Variants in NPAS3 observed in about 807,000 individuals in gnomAD.
NPAS3 encodes the protein neuronal PAS domain-containing protein 3.
A neutral mutation model predicts 73.1 loss-of-function variants in NPAS3; 14 were observed. The ratio of observed to expected loss-of-function variants is 0.19; its 90% CI spans 0.13 to 0.30. The LOEUF (loss-of-function observed/expected upper bound fraction) is 0.30. NPAS3 is among the 10% of genes least tolerant of loss of function. The pLI is 1.00. For synonymous variants in NPAS3, 620 were observed against 541.5 expected (o/e 1.14, Z -2.01); for missense variants, 1,096 against 1,250.0 (o/e 0.88, Z 1.86).
chr14:33,198,266 C>G (rs1225712164), intron 2 of NPAS3, among the ~76,000 whole-genome samples: 2 of 151,090 alleles, frequency 1.3e-5, no homozygotes, highest in Admixed American at 1.3e-4. Context: ...CAGTTTGCCC[C>G]TGCTGGCTCA....
At chr14:33,454,370 A>T (rs1261927369) in intron 4 of NPAS3, among the ~76,000 whole-genome samples, 11 of 152,222 alleles carry the variant, frequency 7.2e-5, no homozygotes, top group Admixed American at 7.2e-4. Flanking sequence ...GCTTTTAAAC[A>T]TTATGGTTTC....
chr14:33,004,817 C>CTTTTTTTTTTT, intron 1 of NPAS3, among the ~76,000 whole-genome samples: 18 of 64,002 alleles, frequency 2.8e-4, no homozygotes, highest in South Asian at 1.2e-3. Context: ...AAAAGTTTTC[C>CTTTTTTTTTTT]TTTTTTTTTT....
chr14:33,613,826 G>A (rs2057829067), intron 5 of NPAS3, among the ~76,000 whole-genome samples: 1 of 152,150 alleles, frequency 6.6e-6, no homozygotes, highest in African/African-American at 2.4e-5. Flanking sequence ...AGGCTCACAA[G>A]TCTCTCTTAT....
At chr14:33,335,051 T>TGC (rs2044163200) in intron 3 of NPAS3, among the ~76,000 whole-genome samples, 1 of 149,666 alleles carries the variant, frequency 6.7e-6, no homozygotes, top group African/African-American at 2.5e-5. Context: ...TGCGTGTGTG[T>TGC]GTGTGTGTGT....
intron 2 of NPAS3, among the ~76,000 whole-genome samples, chr14:33,210,226 A>G (rs2046980234): frequency 1.3e-5 from 2 of 152,326 alleles, no homozygotes; most frequent in African/African-American, 2.4e-5. Context: ...GTCCAAAGCT[A>G]TCTTTTTTTC....
chr14:33,475,818 A>C (rs1356145114), intron 4 of NPAS3, among the ~76,000 whole-genome samples: 1 of 152,096 alleles, frequency 6.6e-6, no homozygotes, highest in Non-Finnish European at 1.5e-5. Flanking sequence ...GCAATTTCTC[A>C]TTGTGTTACT....
intron 2 of NPAS3, among the ~76,000 whole-genome samples, chr14:33,065,506 G>A (rs1485573945): frequency 6.6e-6 from 1 of 152,108 alleles, no homozygotes; most frequent in African/African-American, 2.4e-5. Flanking sequence ...TTGGTTTAGT[G>A]ACCAGCATGC....
chr14:33,120,191 C>T (rs1024488574), intron 2 of NPAS3, among the ~76,000 whole-genome samples: 6 of 152,066 alleles, frequency 3.9e-5, no homozygotes, highest in South Asian at 2.1e-4. Flanking sequence ...GACCTCCTGA[C>T]CTCATGATCC....
intron 6 of NPAS3, among the ~76,000 whole-genome samples, chr14:33,689,743 G>A (rs2060183817): frequency 1.3e-5 from 2 of 152,144 alleles, no homozygotes; most frequent in South Asian, 4.1e-4. Context: ...CTGTTTTGCA[G>A]ATTCACGTTT....
chr14:33,477,355 A>G (rs2051088869), intron 4 of NPAS3, among the ~76,000 whole-genome samples: 1 of 152,194 alleles, frequency 6.6e-6, no homozygotes, highest in African/African-American at 2.4e-5. Flanking sequence ...AGAGGATATG[A>G]TACAGGGATC....
intron 2 of NPAS3, among the ~76,000 whole-genome samples, chr14:33,125,869 GA>G (rs1467180487): frequency 3.3e-5 from 5 of 152,126 alleles, no homozygotes; most frequent in African/African-American, 1.2e-4. Context: ...TTTTCATAAA[GA>G]AAACATGTTA....
chr14:33,007,313 T>C (rs886172650), intron 1 of NPAS3, among the ~76,000 whole-genome samples: 2 of 152,140 alleles, frequency 1.3e-5, no homozygotes, highest in African/African-American at 2.4e-5. Flanking sequence ...CCTAATTCTG[T>C]ATTTTTGTTC....
chr14:33,161,980 C>A (rs908014175), intron 2 of NPAS3, among the ~76,000 whole-genome samples: 2 of 152,158 alleles, frequency 1.3e-5, no homozygotes, highest in African/African-American at 4.8e-5. Context: ...ATCAGAGGAG[C>A]CCTGAATAGG....
At chr14:32,957,528 C>G (rs961532159) in intron 1 of NPAS3, among the ~76,000 whole-genome samples, 2 of 151,918 alleles carry the variant, frequency 1.3e-5, no homozygotes, top group Admixed American at 1.3e-4. Context: ...CCCACCACCA[C>G]GCCCGGCTAA....
At chr14:33,679,508 G>A (rs1474967246) in intron 6 of NPAS3, among the ~76,000 whole-genome samples, 3 of 152,154 alleles carry the variant, frequency 2.0e-5, no homozygotes, top group Non-Finnish European at 4.4e-5. Context: ...TTTGAAGACT[G>A]TTGTTCATTG....
chr14:33,753,350 T>C (rs932523930), intron 7 of NPAS3, among the ~76,000 whole-genome samples: 17 of 123,646 alleles, frequency 1.4e-4, no homozygotes, highest in African/African-American at 7.4e-4. Flanking sequence ...ATGATTCTGT[T>C]AAATTGATAA....
intron 7 of NPAS3, among the ~76,000 whole-genome samples, chr14:33,752,359 C>T (rs1319143192): frequency 6.6e-6 from 1 of 152,160 alleles, no homozygotes; most frequent in Non-Finnish European, 1.5e-5. Context: ...ATGGAGTACA[C>T]TCCCAAGCCA....
intron 3 of NPAS3, among the ~76,000 whole-genome samples, chr14:33,241,009 C>T (rs773429283): frequency 6.6e-6 from 1 of 151,922 alleles, no homozygotes; most frequent in Non-Finnish European, 1.5e-5. Flanking sequence ...TGAGGCTAAC[C>T]TCAGCAGAAT....
rs904292198 is a variant in NPAS3 at position 33,497,857 on chromosome 14, A to T, written c.469-62264A>T. 2.3e-4 allele frequency among the ~76,000 whole-genome samples: 35 copies of T among 151,502 alleles called. 1 individual carries two copies. Among genetic ancestry groups the T allele is most frequent in the African/African-American group, 8.5e-4 (35 of 41,244 alleles). ...CAAAATTGACAAATGGGATCTAATTAAACTAAAGAGCTCTACACAGCAAAC... is the reference window on the plus strand; with the variant it reads ...CAAAATTGACAAATGGGATCTAATTTAACTAAAGAGCTCTACACAGCAAAC... On this transcript the variant is annotated intron_variant, in intron 4 of 11. Transcript: ENST00000356141.
Sources: allele counts gnomAD v4.1 joint callset (sites outside exome capture counted in the v4.1 genomes callset), GRCh38; gene constraint gnomAD v4.1.1; transcripts MANE v1.5; gene names NCBI Gene and HGNC (gene_info 2026-07-23, HGNC 2026-07-21).